Variants in DNAJC22 observed in about 807,000 individuals in gnomAD.
DNAJC22 encodes DnaJ heat shock protein family (Hsp40) member C22.
Under a neutral mutation model 22.2 loss-of-function variants are expected in DNAJC22, and 24 were observed. That is an observed-to-expected ratio of 1.08 (90% CI 0.78 to 1.52). DNAJC22 has a LOEUF of 1.52. DNAJC22 is among the 40% of genes most tolerant of loss of function. The pLI is 0.00. For missense variants in DNAJC22, 434 were observed against 421.7 expected, an observed-to-expected ratio of 1.03 and a Z score of -0.26; for synonymous variants, 160 against 167.4, an observed-to-expected ratio of 0.96 and a Z score of 0.34.
At position 49,351,335 on chromosome 12, in the gene DNAJC22, G is replaced by A. The variant is rs142137387; in HGVS notation, c.859G>A (p.Gly287Arg). The A allele has an allele frequency of 8.6e-5, 138 of 1,613,588 alleles. No homozygotes were observed. The African/African-American group carries it at 1.7e-3, about 19-fold the overall frequency. ...CCATAAGGTTTTGGGCCTCTCAGAAGGGGCAACAAATGAAGAAATACATCG... is the reference window on the plus strand; with the variant it reads ...CCATAAGGTTTTGGGCCTCTCAGAAAGGGCAACAAATGAAGAAATACATCG... ...LAYQVLGLSE[G>R]ATNEEIHRSY... is the part of the protein sequence containing the mutation. The change falls in exon 4 of 4, where the codon GGG becomes AGG. Residue 287 changes from glycine to arginine, a missense_variant. Transcript: ENST00000549441.
At position 49,353,517 on chromosome 12, in the gene DNAJC22, G is replaced by C. The variant is rs11831313; in HGVS notation, c.*2015G>C. 0.085 allele frequency: 12,983 copies of C among 151,962 alleles called. 1,186 individuals are homozygous for C. The highest frequency in any genetic ancestry group is 0.23 in the African/African-American group (9,503 of 41,398). The allele number at this position is 151,962 out of a possible 1,614,324, so 9.4% of individuals were successfully genotyped here. A position where few individuals can be genotyped will look rare whatever the true frequency, so the allele number is the denominator to read the frequency against. On this transcript the variant is annotated 3_prime_UTR_variant, in exon 4 of 4. Coordinates refer to ENST00000549441, the MANE Select transcript of DNAJC22 (RefSeq NM_001304944.2). ...TACAAAAATGAGCCAGGTGTTGTGG[G>C]GTGCGCCTGTAGTCCCAGCTAAGGA...
At chr12:49,348,721 GA>G in intron 2 of DNAJC22, 44 bp from the exon 3 acceptor site, 1 of 1,082,838 alleles carries the variant, frequency 9.2e-7, no homozygotes, top group East Asian at 2.8e-5. Flanking sequence ...TGCTGTGTTG[GA>G]GCCTGGACAT....
Position 49,349,166 on chromosome 12 carries a change from C to A in DNAJC22, c.294C>A (p.Ser98Arg), listed in dbSNP as rs769518529. The A allele has an allele frequency of 2.3e-5, 37 of 1,614,030 alleles. No individual in the cohort carries two copies. Among genetic ancestry groups the A allele is most frequent in the Non-Finnish European group, 3.1e-5 (36 of 1,180,028 alleles). ...ATTTTGGCCTTGTGGCACTGATTAG[C>A]CTTTCTTCCATGGTCAACTTCTATA... ...GIYFGLVALI[S>R]LSSMVNFYIV... The change falls in exon 3 of 4, where the codon AGC (serine) becomes AGA (arginine). Residue 98 changes from serine to arginine, a missense_variant. Physicochemically the swap from Ser to Arg is moderately radical, Grantham distance 110 (BLOSUM62 -1). Coordinates refer to ENST00000549441, the MANE Select transcript of DNAJC22 (RefSeq NM_001304944.2).
Position 49,352,435 on chromosome 12 carries a change from G to A in DNAJC22, c.*933G>A, listed in dbSNP as rs2137097726. The A allele has an allele frequency of 6.6e-6, 1 of 152,330 alleles. No individual in the cohort carries two copies. The highest frequency in any genetic ancestry group is 3.4e-3 in the Middle Eastern group (1 of 294). 9.4% of individuals were successfully genotyped at this position (152,330 alleles called of 1,614,324 possible). A position where few individuals can be genotyped will look rare whatever the true frequency, so the allele number is the denominator to read the frequency against. The stretch of plus-strand genomic sequence containing the variant: ...GGAGGCTGAGGCAGGAAAATCACTT[G>A]AGCCTGGGAGGTGGAGGTTGCAGTC... On this transcript the variant is annotated 3_prime_UTR_variant, in exon 4 of 4. Coordinates refer to ENST00000549441, the MANE Select transcript of DNAJC22 (RefSeq NM_001304944.2).
rs916232429 is a variant in DNAJC22, at chr12:49,351,550, A to C, written c.*48A>C. 1 of 1,485,190 alleles carries C rather than the reference A, an allele frequency of 6.7e-7. No individual in the cohort carries two copies. The highest frequency in any genetic ancestry group is 2.5e-5 in the Admixed American group (1 of 39,594). 92.0% of individuals were successfully genotyped at this position (1,485,190 alleles called of 1,614,324 possible). A position where few individuals can be genotyped will look rare whatever the true frequency, so the allele number is the denominator to read the frequency against. On this transcript the variant is annotated 3_prime_UTR_variant, in exon 4 of 4. Coordinates refer to ENST00000549441, the MANE Select transcript of DNAJC22 (RefSeq NM_001304944.2). ...TGACTCTTCCTAGCAGAGCTGGGCA[A>C]CTTGTCCCAAATCTAGCTTTGCCCA...
rs757463642 is a variant in DNAJC22 at position 49,348,963 on chromosome 12, G to A, written c.91G>A (p.Ala31Thr). 1.6e-5 allele frequency: 24 copies of A among 1,540,456 alleles called. 1 individual carries two copies. The highest frequency in any genetic ancestry group is 1.4e-4 in the South Asian group (11 of 77,418). The change falls in exon 3 of 4, where the codon GCC (alanine) becomes ACC (threonine). Residue 31 changes from alanine to threonine, a missense_variant. Ala to Thr is a moderately conservative substitution (Grantham distance 58, BLOSUM62 0). Transcript: ENST00000549441. ...HHLYLGRDSH[A>T]LLWMLTLGGG... is the part of the protein sequence containing the mutation. ...CCTGTACCTGGGAAGGGACAGCCAC[G>A]CCCTGCTCTGGATGCTGACCCTGGG...
chr12:49,350,261 G>C (rs1943763298), intron 3 of DNAJC22, among the ~76,000 whole-genome samples: 1 of 151,538 alleles, frequency 6.6e-6, no homozygotes, highest in Non-Finnish European at 1.5e-5. Context: ...ATTTTTCATA[G>C]AGACAGGGTT....
At chr12:49,348,280 G>A (rs1943725955) in intron 2 of DNAJC22, among the ~76,000 whole-genome samples, 175 bp downstream of exon 2, 1 of 152,204 alleles carries the variant, frequency 6.6e-6, no homozygotes, top group Non-Finnish European at 1.5e-5. Flanking sequence ...GGGGTGCCAA[G>A]GTCTAGGTCA....
At position 49,349,167 on chromosome 12, in the gene DNAJC22, C is replaced by G; in HGVS notation, c.295C>G (p.Leu99Val). Residue 99 changes from leucine (L) to valine (V), a missense_variant, in exon 3 of 4, where the codon CTT becomes GTT. Leu to Val is a conservative substitution (Grantham distance 32, BLOSUM62 1). Transcript: ENST00000549441. ...IYFGLVALIS[L>V]SSMVNFYIVA... The stretch of plus-strand genomic sequence containing the variant: ...TTTTGGCCTTGTGGCACTGATTAGC[C>G]TTTCTTCCATGGTCAACTTCTATAT... 6.2e-7 allele frequency: 1 copy of G among 1,614,166 alleles called. No homozygotes were observed. Among genetic ancestry groups the G allele is most frequent in the Non-Finnish European group, 8.5e-7 (1 of 1,180,022 alleles).
rs368853052 is a variant in DNAJC22 at position 49,349,306 on chromosome 12, T to C, written c.434T>C (p.Phe145Ser). 1.7e-5 allele frequency: 28 copies of C among 1,613,880 alleles called. No individual in the cohort carries two copies. The highest frequency in any genetic ancestry group is 2.4e-5 in the Non-Finnish European group (28 of 1,179,892). Residue 145 changes from phenylalanine to serine, a missense_variant, in exon 3 of 4, where the codon TTC (phenylalanine) becomes TCC (serine). Physicochemically the swap from Phe to Ser is radical, Grantham distance 155. Coordinates refer to ENST00000549441, the MANE Select transcript of DNAJC22 (RefSeq NM_001304944.2). ...TCAGCATTTCTCACTTCACCTATCTTCTATGGCCGCCCCATAGCCATACTG... is the reference window on the plus strand; with the variant it reads ...TCAGCATTTCTCACTTCACCTATCTCCTATGGCCGCCCCATAGCCATACTG... ...LGSAFLTSPI[F>S]YGRPIAILPI... is the part of the protein sequence containing the mutation.
rs1943794506 is a variant in DNAJC22, at chr12:49,352,304, G to A, written c.*802G>A. 1 of 152,242 alleles carries A rather than the reference G, an allele frequency of 6.6e-6. No homozygotes were observed. The highest frequency in any genetic ancestry group is 6.5e-5 in the Admixed American group (1 of 15,280). 9.4% of individuals were successfully genotyped at this position (152,242 alleles called of 1,614,324 possible). A position where few individuals can be genotyped will look rare whatever the true frequency, so the allele number is the denominator to read the frequency against. ...AGGTGGGAGGATCACCTTAGGTCAG[G>A]AGTTCAAGACCAGCCTGGCCAACCA... On this transcript the variant is annotated 3_prime_UTR_variant, in exon 4 of 4. Coordinates refer to ENST00000549441, the MANE Select transcript of DNAJC22 (RefSeq NM_001304944.2).
In DNAJC22 at chr12:49,348,934, A is replaced by G; in HGVS notation, c.62A>G (p.His21Arg). 2 of 1,522,860 alleles carry G rather than the reference A, an allele frequency of 1.3e-6. No homozygotes were observed. The highest frequency in any genetic ancestry group is 2.3e-5 in the Admixed American group (1 of 44,398). The allele number at this position is 1,522,860 out of a possible 1,614,324, so 94.3% of individuals were successfully genotyped here. A position where few individuals can be genotyped will look rare whatever the true frequency, so the allele number is the denominator to read the frequency against. The change falls in exon 3 of 4, where the codon CAC becomes CGC. Residue 21 changes from histidine (H) to arginine (R), a missense_variant. Physicochemically the swap from His to Arg is conservative, Grantham distance 29. Transcript: ENST00000549441. ...LWAVGGPAGLHHLYLGRDSHA... is the reference protein window; with the variant it reads ...LWAVGGPAGLRHLYLGRDSHA... ...GCTGTGGGGGGCCCTGCTGGGCTCC[A>G]CCACCTGTACCTGGGAAGGGACAGC...
chr12:49,348,731 A>T, intron 2 of DNAJC22, 35 bp from the exon 3 acceptor site: 1 of 1,193,190 alleles, frequency 8.4e-7, no homozygotes, highest in Non-Finnish European at 1.1e-6. Flanking sequence ...GAGCCTGGAC[A>T]TCATCTTATG....
rs978054722 is a variant in DNAJC22 at position 49,349,693 on chromosome 12, A to C, written c.821A>C (p.Lys274Thr). ...TTTGTTCACAGTTTTCAGGATGAGAAGCGTCAGCTGGCTTACCAGGTAAGG... is the reference window on the plus strand; with the variant it reads ...TTTGTTCACAGTTTTCAGGATGAGACGCGTCAGCTGGCTTACCAGGTAAGG... Reference protein sequence around the residue: ...YEFVHSFQDEKRQLAYQVLGL... With the variant: ...YEFVHSFQDETRQLAYQVLGL... Residue 274 changes from lysine to threonine, a missense_variant, in exon 3 of 4, where the codon AAG (lysine) becomes ACG (threonine). By Grantham distance (78) the Lys-to-Thr change is moderately conservative. Coordinates refer to ENST00000549441, the MANE Select transcript of DNAJC22 (RefSeq NM_001304944.2). 2 of 1,614,206 alleles carry C rather than the reference A, an allele frequency of 1.2e-6. No individual in the cohort carries two copies. The highest frequency in any genetic ancestry group is 2.2e-5 in the South Asian group (2 of 91,088).
chr12:49,348,984 C>CT lies in DNAJC22; in HGVS notation c.113dup (p.Gly41ArgfsTer58), dbSNP rs1191206807. On this transcript the variant is annotated frameshift_variant, in exon 3 of 4. Transcript: ENST00000549441. LOFTEE classifies it high-confidence loss of function. The stretch of plus-strand genomic sequence containing the variant: ...CCACGCCCTGCTCTGGATGCTGACC[C>CT]TGGGGGGAGGTGGGCTGGGCTGGCT... 1 of 1,557,796 alleles carries CT rather than the reference C, an allele frequency of 6.4e-7. No individual in the cohort carries two copies. The highest frequency in any genetic ancestry group is 1.9e-5 in the Admixed American group (1 of 51,942).
At position 49,349,251 on chromosome 12, in the gene DNAJC22, C is replaced by G. The variant is rs370790444; in HGVS notation, c.379C>G (p.Gln127Glu). The G allele has an allele frequency of 6.8e-6, 11 of 1,614,192 alleles. No homozygotes were observed. Among genetic ancestry groups the G allele is most frequent in the Non-Finnish European group, 9.3e-6 (11 of 1,180,044 alleles). Residue 127 changes from glutamine (Q) to glutamate (E), a missense_variant, in exon 3 of 4, where the codon CAG (glutamine) becomes GAG (glutamate). Coordinates refer to ENST00000549441, the MANE Select transcript of DNAJC22 (RefSeq NM_001304944.2). ...CTTGCTGGTGGCTGCTGTTGGCAACCAGACCTCAGACTTTAAGAACACTCT... is the reference window on the plus strand; with the variant it reads ...CTTGCTGGTGGCTGCTGTTGGCAACGAGACCTCAGACTTTAAGAACACTCT... ...GVLLVAAVGNQTSDFKNTLGS... is the reference protein window; with the variant it reads ...GVLLVAAVGNETSDFKNTLGS...
rs1243644657 is a variant in DNAJC22 at position 49,352,198 on chromosome 12, A to G, written c.*696A>G. On this transcript the variant is annotated 3_prime_UTR_variant, in exon 4 of 4. Coordinates refer to ENST00000549441, the MANE Select transcript of DNAJC22 (RefSeq NM_001304944.2). ...ATATATTGATGTGTGATGGAGAAAGATTATTTAACTATTTTTTTAAATGTG... is the reference window on the plus strand; with the variant it reads ...ATATATTGATGTGTGATGGAGAAAGGTTATTTAACTATTTTTTTAAATGTG... 2.0e-5 allele frequency: 3 copies of G among 152,230 alleles called. No homozygotes were observed. The highest frequency in any genetic ancestry group is 4.4e-5 in the Non-Finnish European group (3 of 68,036). 9.4% of individuals were successfully genotyped at this position (152,230 alleles called of 1,614,324 possible). A position where few individuals can be genotyped will look rare whatever the true frequency, so the allele number is the denominator to read the frequency against.
At position 49,351,528 on chromosome 12, in the gene DNAJC22, C is replaced by A; in HGVS notation, c.*26C>A. The A allele has an allele frequency of 6.6e-7, 1 of 1,512,712 alleles. No individual in the cohort carries two copies. The highest frequency in any genetic ancestry group is 1.3e-5 in the South Asian group (1 of 74,682). 93.7% of individuals were successfully genotyped at this position (1,512,712 alleles called of 1,614,324 possible). ...AAAGAAACTTCCCCCTGAGGACTGA[C>A]TCTTCCTAGCAGAGCTGGGCAACTT... On this transcript the variant is annotated 3_prime_UTR_variant, in exon 4 of 4. Coordinates refer to ENST00000549441, the MANE Select transcript of DNAJC22 (RefSeq NM_001304944.2).
At chr12:49,348,745 C>T in intron 2 of DNAJC22, 21 bp from the exon 3 acceptor site, 3 of 1,298,884 alleles carry the variant, frequency 2.3e-6, no homozygotes, top group Non-Finnish European at 3.0e-6. Context: ...TCTTATGACT[C>T]TACTTTTTCC....
Sources: allele counts gnomAD v4.1 joint callset (sites outside exome capture counted in the v4.1 genomes callset), GRCh38; gene constraint gnomAD v4.1.1; transcripts MANE v1.5; gene names NCBI Gene and HGNC (gene_info 2026-07-23, HGNC 2026-07-21).